Variants in ARID2 observed in about 807,000 individuals in gnomAD.
ARID2 encodes AT-rich interactive domain-containing protein 2.
In ARID2, 32 loss-of-function variants were observed where a neutral mutation model predicts 184.6. The ratio of observed to expected loss-of-function variants is 0.17; its 90% CI spans 0.13 to 0.23. The LOEUF (loss-of-function observed/expected upper bound fraction) is 0.23. Ranked by LOEUF, ARID2 falls within the 10% of genes least tolerant of loss-of-function variation. ARID2 has a pLI of 1.00. For missense variants in ARID2, 1,696 were observed against 2,197.6 expected (o/e 0.77, Z 4.56); for synonymous variants, 836 against 772.6 (o/e 1.08, Z -1.36).
chr12:45,752,930 A>G (rs1941492227), intron 3 of ARID2, among the ~76,000 whole-genome samples: 1 of 152,220 alleles, frequency 6.6e-6, no homozygotes, highest in Admixed American at 6.5e-5. Context: ...AGTCAGTTTG[A>G]GTCATGCTAT....
At chr12:45,836,266 G>A (rs1425232443) in intron 6 of ARID2, among the ~76,000 whole-genome samples, 1 of 152,174 alleles carries the variant, frequency 6.6e-6, no homozygotes, top group Non-Finnish European at 1.5e-5. Context: ...CTGGAGTGCA[G>A]TGGCACAATC....
intron 2 of ARID2, among the ~76,000 whole-genome samples, chr12:45,730,542 A>G (rs1191126461): frequency 6.6e-6 from 1 of 151,896 alleles, no homozygotes; most frequent in Admixed American, 6.5e-5. Context: ...AGGCGGAGAC[A>G]CACAGAGACA....
At chr12:45,868,884 G>A (rs576250080) in intron 16 of ARID2, among the ~76,000 whole-genome samples, 2 of 152,182 alleles carry the variant, frequency 1.3e-5, no homozygotes, top group South Asian at 4.1e-4. Flanking sequence ...CTGATTCTTC[G>A]CAGTTTTTTA....
chr12:45,733,479 T>A (rs2137966269), intron 3 of ARID2, among the ~76,000 whole-genome samples: 1 of 152,358 alleles, frequency 6.6e-6, no homozygotes, highest in South Asian at 2.1e-4. Flanking sequence ...TTGAATATCA[T>A]CATTACTGAT....
chr12:45,882,676 A>T (rs996067859), intron 16 of ARID2, among the ~76,000 whole-genome samples: 33 of 152,242 alleles, frequency 2.2e-4, no homozygotes, highest in African/African-American at 8.0e-4. Flanking sequence ...TAAACTGCCA[A>T]TTTAGGTTGA....
rs575242582 is a variant in ARID2, at chr12:45,883,023, G to T, written c.4923-8757G>T. Among the ~76,000 whole-genome samples the T allele has an allele frequency of 5.3e-5, 8 of 152,150 alleles. No individual in the cohort carries two copies. In the South Asian group the frequency reaches 1.2e-3, roughly 24 times the overall value. On this transcript the variant is annotated intron_variant, in intron 16 of 20. Transcript: ENST00000334344. The stretch of plus-strand genomic sequence containing the variant: ...GTTGTCGTCATCTTGCTGTTTCTAG[G>T]TTGATAAAATATTTTGTGTGAGAGC...
chr12:45,904,543 T>C (rs536624180), intron 20 of ARID2: 5 of 434,676 alleles, frequency 1.2e-5, no homozygotes, highest in East Asian at 8.0e-5. Context: ...ATACAAAAAT[T>C]AGCTGGGCGT....
chr12:45,827,931 GTAT>G (rs1182580892), intron 6 of ARID2, among the ~76,000 whole-genome samples: 1 of 151,978 alleles, frequency 6.6e-6, no homozygotes, highest in Non-Finnish European at 1.5e-5. Flanking sequence ...TATGTTAATC[GTAT>G]TATTATATGT....
chr12:45,800,809 G>A (rs913515839), intron 3 of ARID2, among the ~76,000 whole-genome samples: 2 of 152,090 alleles, frequency 1.3e-5, no homozygotes, highest in African/African-American at 4.8e-5. Flanking sequence ...AGCTTGAAAG[G>A]GATCCCAGTG....
chr12:45,730,089 T>A lies in ARID2; in HGVS notation c.138T>A (p.Asp46Glu). The A allele has an allele frequency of 6.2e-7, 1 of 1,613,368 alleles. No individual in the cohort carries two copies. The highest frequency in any genetic ancestry group is 8.5e-7 in the Non-Finnish European group (1 of 1,179,690). Residue 46 changes from aspartate to glutamate, a missense_variant, in exon 2 of 21, where the codon GAT (aspartate) becomes GAA (glutamate). Asp to Glu is a conservative substitution (Grantham distance 45). Transcript: ENST00000334344. The part of the protein sequence containing the change: ...KIPAVGGKEL[D>E]LHGLYTRVTT... ...CTGCGGTGGGTGGGAAGGAGCTGGA[T>A]CTTCACGGTCTCTACACCAGAGTCA...
At chr12:45,790,333 G>A (rs771907223) in intron 3 of ARID2, among the ~76,000 whole-genome samples, 4 of 151,602 alleles carry the variant, frequency 2.6e-5, no homozygotes, top group African/African-American at 4.8e-5. Flanking sequence ...AATTTTTTAC[G>A]TTTATATTTG....
chr12:45,742,047 A>T (rs1278175587), intron 3 of ARID2, among the ~76,000 whole-genome samples: 3 of 152,170 alleles, frequency 2.0e-5, no homozygotes, highest in African/African-American at 4.8e-5. Flanking sequence ...ATATATGTTC[A>T]TCTTCTCAGT....
chr12:45,851,228 A>G lies in ARID2; in HGVS notation c.3105A>G (p.Gln1035=), dbSNP rs2138169142. Residue 1035 remains glutamine (Q), a synonymous_variant, in exon 15 of 21, where the codon CAA becomes CAG. Coordinates refer to ENST00000334344, the MANE Select transcript of ARID2 (RefSeq NM_152641.4). The stretch of plus-strand genomic sequence containing the variant: ...AAGTACAAGTTCAGCAGCCCCAACA[A>G]GTACAGATGCAAGTTCAACCTCAAC... ...QVQVQVQQPQ[Q]VQMQVQPQQS... 1 of 1,614,152 alleles carries G rather than the reference A, an allele frequency of 6.2e-7. No homozygotes were observed. Among genetic ancestry groups the G allele is most frequent in the East Asian group, 2.2e-5 (1 of 44,880 alleles).
chr12:45,820,419 C>A (rs981916718), intron 5 of ARID2, among the ~76,000 whole-genome samples: 1 of 152,120 alleles, frequency 6.6e-6, no homozygotes, highest in Non-Finnish European at 1.5e-5. Context: ...GGTAATAAGA[C>A]TGCCAAGAGT....
chr12:45,865,040 C>T (rs1943811251), intron 16 of ARID2, among the ~76,000 whole-genome samples: 2 of 151,974 alleles, frequency 1.3e-5, no homozygotes, highest in African/African-American at 2.4e-5. Context: ...GTTATGTATC[C>T]TTCTTGGTAT....
chr12:45,809,203 C>T (rs554423611), intron 3 of ARID2, among the ~76,000 whole-genome samples: 2 of 152,310 alleles, frequency 1.3e-5, no homozygotes, highest in South Asian at 4.1e-4. Flanking sequence ...TATCTGTAGT[C>T]TGTTTTAACC....
chr12:45,887,395 A>G (rs1346343525), intron 16 of ARID2, among the ~76,000 whole-genome samples: 1 of 152,222 alleles, frequency 6.6e-6, no homozygotes, highest in Non-Finnish European at 1.5e-5. Flanking sequence ...AGCAGGATCA[A>G]AGAAAAAGTG....
intron 3 of ARID2, among the ~76,000 whole-genome samples, chr12:45,797,941 A>G (rs1942420486): frequency 2.0e-5 from 3 of 152,036 alleles, no homozygotes. Context: ...GAAAATAAAT[A>G]ATGTAAAGGA....
At chr12:45,904,809 T>G (rs1469810791) in intron 20 of ARID2, 125 bp from the exon 21 acceptor site, 1 of 921,400 alleles carries the variant, frequency 1.1e-6, no homozygotes, top group Admixed American at 2.8e-5. Flanking sequence ...CAATACTATA[T>G]TAACATTTAC....
Sources: gnomAD v4.1 joint callset for allele counts (sites outside exome capture counted in the v4.1 genomes callset) on GRCh38, gnomAD v4.1.1 for gene constraint, MANE v1.5 for transcripts, NCBI Gene and HGNC (gene_info 2026-07-23, HGNC 2026-07-21) for gene names.